The following HS6ST3 variants were observed in gnomAD, a reference collection of about 807,000 sequenced individuals.
HS6ST3 encodes the protein heparan-sulfate 6-O-sulfotransferase 3.
HS6ST3 carries 12 observed loss-of-function variants against 36.7 expected under a neutral mutation model. The observed-to-expected ratio is 0.33, with a 90% CI of 0.21 to 0.53. The LOEUF (loss-of-function observed/expected upper bound fraction) is 0.53. Ranked by LOEUF, HS6ST3 falls within the 20% of genes least tolerant of loss-of-function variation. The probability of loss-of-function intolerance (pLI) is 0.95; values close to 1 mark genes in which losing one functional copy is unlikely to be tolerated. For synonymous variants in HS6ST3, 240 were observed against 257.5 expected, an observed-to-expected ratio of 0.93 and a Z score of 0.65; for missense variants, 584 against 640.9, an observed-to-expected ratio of 0.91 and a Z score of 0.96.
intron 1 of HS6ST3, among the ~76,000 whole-genome samples, chr13:96,217,944 G>T (rs1305754912): frequency 6.6e-6 from 1 of 152,070 alleles, no homozygotes; most frequent in African/African-American, 2.4e-5. Flanking sequence ...TGTATTTCTA[G>T]CACATAGAAT....
chr13:96,826,088 G>T (rs1490326747), intron 1 of HS6ST3, among the ~76,000 whole-genome samples: 1 of 152,144 alleles, frequency 6.6e-6, no homozygotes, highest in Admixed American at 6.5e-5. Context: ...ATAGGTTCTT[G>T]AAACAGTAGG....
At chr13:96,765,588 TTC>T (rs58979172) in intron 1 of HS6ST3, among the ~76,000 whole-genome samples, 18,653 of 142,428 alleles carry the variant, frequency 0.13, 1,267 homozygotes, top group East Asian at 0.35. Context: ...CTCTCTCTCT[TTC>T]TCTCTCTCTC....
chr13:96,535,654 G>A (rs979567177), intron 1 of HS6ST3, among the ~76,000 whole-genome samples: 3 of 152,072 alleles, frequency 2.0e-5, no homozygotes, highest in African/African-American at 7.2e-5. Flanking sequence ...TCTTCATCAG[G>A]GAATCACATA....
At chr13:96,709,829 AG>A (rs1352683107) in intron 1 of HS6ST3, among the ~76,000 whole-genome samples, 4 of 152,214 alleles carry the variant, frequency 2.6e-5, no homozygotes, top group Non-Finnish European at 5.9e-5. Flanking sequence ...AGATTGCTCA[AG>A]GTCAAGCATT....
rs1286454198 is a variant in HS6ST3, at chr13:96,612,263, C to G, written c.708-220227C>G. 2.0e-5 allele frequency among the ~76,000 whole-genome samples: 3 copies of G among 152,082 alleles called. No individual in the cohort carries two copies. The South Asian group carries it at 6.2e-4, about 32-fold the overall frequency. ...TAGCAGTTGACTCTCTTGGCCACAC[C>G]CTTTCTTCACATTTTTCATTTGGCT... On this transcript the variant is annotated intron_variant, in intron 1 of 1. Transcript: ENST00000376705.
chr13:96,116,073 G>A (rs911972638), intron 1 of HS6ST3, among the ~76,000 whole-genome samples: 1 of 152,090 alleles, frequency 6.6e-6, no homozygotes, highest in African/African-American at 2.4e-5. Context: ...TATTTTTAAG[G>A]ATGCTGGGGC....
intron 1 of HS6ST3, among the ~76,000 whole-genome samples, chr13:96,356,425 G>C (rs2055210346): frequency 6.6e-6 from 1 of 152,098 alleles, no homozygotes; most frequent in African/African-American, 2.4e-5. Context: ...CTTGAAAGTA[G>C]GTATTACTCC....
At chr13:96,608,928 G>GTAGA (rs550415773) in intron 1 of HS6ST3, among the ~76,000 whole-genome samples, 36 of 151,878 alleles carry the variant, frequency 2.4e-4, no homozygotes, top group Middle Eastern at 3.4e-3. Flanking sequence ...GTGTGTATGT[G>GTAGA]TAGATAGATA....
At chr13:96,356,247 T>C (rs781599093) in intron 1 of HS6ST3, among the ~76,000 whole-genome samples, 1 of 152,204 alleles carries the variant, frequency 6.6e-6, no homozygotes, top group African/African-American at 2.4e-5. Flanking sequence ...AAAATCCTGT[T>C]CATGTTGATA....
At chr13:96,158,405 C>A (rs1413967780) in intron 1 of HS6ST3, among the ~76,000 whole-genome samples, 2 of 152,010 alleles carry the variant, frequency 1.3e-5, no homozygotes, top group Non-Finnish European at 2.9e-5. Context: ...AGGTGGAGAA[C>A]TCTTAGAAAC....
At chr13:96,426,425 C>T (rs187715949) in intron 1 of HS6ST3, among the ~76,000 whole-genome samples, 2 of 152,300 alleles carry the variant, frequency 1.3e-5, no homozygotes, top group Admixed American at 1.3e-4. Context: ...CAAATACTCT[C>T]ATTGCAGCTT....
At chr13:96,416,840 C>T (rs1399825376) in intron 1 of HS6ST3, among the ~76,000 whole-genome samples, 2 of 151,258 alleles carry the variant, frequency 1.3e-5, no homozygotes, top group African/African-American at 4.9e-5. Flanking sequence ...GCAAGCTCTG[C>T]CTCTCGGGTT....
At chr13:96,791,021 C>A (rs889428845) in intron 1 of HS6ST3, among the ~76,000 whole-genome samples, 5 of 151,912 alleles carry the variant, frequency 3.3e-5, no homozygotes, top group Admixed American at 2.6e-4. Flanking sequence ...AGATCTTTTT[C>A]TCCCTCCAAC....
chr13:96,479,315 T>C (rs942415483), intron 1 of HS6ST3, among the ~76,000 whole-genome samples: 1 of 152,158 alleles, frequency 6.6e-6, no homozygotes, highest in African/African-American at 2.4e-5. Flanking sequence ...AAATCAGGTA[T>C]TTCTAGGACT....
chr13:96,715,891 A>G (rs547916532), intron 1 of HS6ST3, among the ~76,000 whole-genome samples: 3 of 151,972 alleles, frequency 2.0e-5, no homozygotes, highest in Non-Finnish European at 4.4e-5. Context: ...TCTCCTGGAG[A>G]CACTTTACTG....
chr13:96,529,875 C>A (rs1423049763), intron 1 of HS6ST3, among the ~76,000 whole-genome samples: 1 of 152,166 alleles, frequency 6.6e-6, no homozygotes, highest in Non-Finnish European at 1.5e-5. Flanking sequence ...ATACTCATTT[C>A]TCCTCTCCAT....
intron 1 of HS6ST3, among the ~76,000 whole-genome samples, chr13:96,799,220 C>T (rs1682116190): frequency 6.6e-6 from 1 of 152,074 alleles, no homozygotes. Context: ...AGTTTACAGT[C>T]CCACCAACAG....
chr13:96,710,433 G>A (rs994810258), intron 1 of HS6ST3, among the ~76,000 whole-genome samples: 1 of 152,194 alleles, frequency 6.6e-6, no homozygotes, highest in Non-Finnish European at 1.5e-5. Flanking sequence ...ACTGCTTCAG[G>A]GCCCAGAGAC....
chr13:96,242,220 CTT>C (rs149222857), intron 1 of HS6ST3, among the ~76,000 whole-genome samples: 3 of 146,790 alleles, frequency 2.0e-5, no homozygotes, highest in East Asian at 2.0e-4. Flanking sequence ...GTTTTTGAGT[CTT>C]TTTTTTTTTC....
Sources: allele counts gnomAD v4.1 joint callset (sites outside exome capture counted in the v4.1 genomes callset), GRCh38; gene constraint gnomAD v4.1.1; transcripts MANE v1.5; gene names NCBI Gene and HGNC (gene_info 2026-07-23, HGNC 2026-07-21).